Variants in SVEP1 observed in about 807,000 individuals in gnomAD.
SVEP1 encodes the protein sushi, von Willebrand factor type A, EGF and pentraxin domain containing 1.
SVEP1 carries 164 observed loss-of-function variants against 367.3 expected under a neutral mutation model. The ratio of observed to expected loss-of-function variants is 0.45; its 90% CI spans 0.39 to 0.51. SVEP1 has a LOEUF of 0.51. Among genes scored for constraint, SVEP1 ranks in the 20% least tolerant of loss-of-function variants. The pLI, the probability that SVEP1 is intolerant of heterozygous loss-of-function variation, is 0.00. For missense variants in SVEP1, 4,117 were observed against 4,425.3 expected (o/e 0.93, Z 1.98); for synonymous variants, 1,666 against 1,611.6 (o/e 1.03, Z -0.81).
chr9:110,562,254 A>G (rs978370767), intron 1 of SVEP1, among the ~76,000 whole-genome samples: 1 of 151,976 alleles, frequency 6.6e-6, no homozygotes, highest in Non-Finnish European at 1.5e-5. Context: ...AAAAGTCATC[A>G]GAATCCAAAT....
chr9:110,395,726 T>C (rs1283374344), intron 40 of SVEP1, among the ~76,000 whole-genome samples: 1 of 151,010 alleles, frequency 6.6e-6, no homozygotes, highest in African/African-American at 2.4e-5. Flanking sequence ...AAACAGACTT[T>C]AAACCAACAA....
At chr9:110,504,920 A>G (rs185975527) in intron 5 of SVEP1, among the ~76,000 whole-genome samples, 1 of 152,240 alleles carries the variant, frequency 6.6e-6, no homozygotes, top group East Asian at 1.9e-4. Flanking sequence ...GTTATCTAGG[A>G]GCACATTTCC....
chr9:110,432,781 A>C, intron 30 of SVEP1, 146 bp from the exon 31 acceptor site: 1 of 883,000 alleles, frequency 1.1e-6, no homozygotes. Flanking sequence ...GGATAGCAGC[A>C]GCCTGAACCC....
At chr9:110,403,430 G>A (rs192531201) in intron 39 of SVEP1, among the ~76,000 whole-genome samples, 62 of 146,054 alleles carry the variant, frequency 4.2e-4, no homozygotes, top group African/African-American at 9.6e-4. Flanking sequence ...TCAGCCTCCC[G>A]AGTAGCTGGG....
At chr9:110,442,318 C>T (rs911083592) in intron 27 of SVEP1, among the ~76,000 whole-genome samples, 6 of 152,172 alleles carry the variant, frequency 3.9e-5, no homozygotes, top group African/African-American at 1.2e-4. Flanking sequence ...GTTTCCAGTG[C>T]CTTGCATAGG....
chr9:110,490,094 T>A (rs140187183), intron 8 of SVEP1, among the ~76,000 whole-genome samples: 2 of 152,186 alleles, frequency 1.3e-5, no homozygotes, highest in Non-Finnish European at 2.9e-5. Flanking sequence ...AAATATAAGA[T>A]AATTTAAGAA....
At chr9:110,455,279 G>C (rs1016622595) in intron 22 of SVEP1, among the ~76,000 whole-genome samples, 29 of 152,114 alleles carry the variant, frequency 1.9e-4, no homozygotes, top group Admixed American at 3.9e-4. Context: ...TTTTACTAAT[G>C]AAGAAACAGG....
intron 36 of SVEP1, among the ~76,000 whole-genome samples, chr9:110,416,907 T>C (rs1429993336): frequency 6.6e-6 from 1 of 152,050 alleles, no homozygotes; most frequent in Non-Finnish European, 1.5e-5. Context: ...AGATTCTAAC[T>C]ATTAGATGCT....
chr9:110,423,184 GA>G lies in SVEP1; in HGVS notation c.5975+4406del, dbSNP rs1404736217. ...AAAATAAAGTAAAAAAAAAAAAAAA[GA>G]AAAAAAAAAGAAAAATTGTCAATGT... is the stretch of plus-strand genomic sequence containing the variant. On this transcript the variant is annotated intron_variant, in intron 36 of 47. Transcript: ENST00000374469. Among the ~76,000 whole-genome samples, 411 of 91,024 alleles carry G rather than the reference GA, an allele frequency of 4.5e-3. 1 individual carries two copies. Among genetic ancestry groups the G allele is most frequent in the African/African-American group, 8.5e-3 (183 of 21,404 alleles). 59.7% of individuals were successfully genotyped at this position (91,024 alleles called of 152,430 possible). A position where few individuals can be genotyped will look rare whatever the true frequency, so the allele number is the denominator to read the frequency against.
intron 40 of SVEP1, among the ~76,000 whole-genome samples, chr9:110,397,593 C>T (rs564311226): frequency 1.3e-5 from 2 of 152,042 alleles, no homozygotes; most frequent in Non-Finnish European, 2.9e-5. Flanking sequence ...ACCTAGAAAA[C>T]CCCATTGTCT....
rs761205575 is a variant in SVEP1, at chr9:110,408,556, G to A, written c.7044C>T (p.Ser2348=). Residue 2348 remains serine, a synonymous_variant, in exon 38 of 48, where the codon TCC becomes TCT. Transcript: ENST00000374469. ...CTTGCAGGACATGCCCTTCTTTACA[G>A]GAAAATGTCACAACTCCTACCTCGG... The part of the protein sequence containing the change: ...LTTEVGVVTF[S]CKEGHVLQGP... 2.9e-5 allele frequency: 47 copies of A among 1,613,830 alleles called. 1 individual carries two copies. The South Asian group carries it at 4.7e-4, about 16-fold the overall frequency.
At chr9:110,502,839 T>C (rs576007371) in intron 6 of SVEP1, among the ~76,000 whole-genome samples, 199 bp downstream of exon 6, 4 of 152,352 alleles carry the variant, frequency 2.6e-5, no homozygotes, top group Non-Finnish European at 5.9e-5. Flanking sequence ...ACAGAATTCA[T>C]TGTAGAAGTT....
intron 6 of SVEP1, among the ~76,000 whole-genome samples, chr9:110,502,103 A>ATTT (rs35353042): frequency 1.2e-4 from 16 of 135,804 alleles, no homozygotes; most frequent in African/African-American, 2.5e-4. Context: ...AGTTCTTAGA[A>ATTT]TTTTTTTTTT....
At chr9:110,488,763 A>G (rs1588077677) in intron 9 of SVEP1, among the ~76,000 whole-genome samples, 1 of 152,072 alleles carries the variant, frequency 6.6e-6, no homozygotes, top group South Asian at 2.1e-4. Context: ...AGTCCCAGCT[A>G]TTTGGAAGGC....
chr9:110,455,531 G>T, intron 22 of SVEP1, 59 bp downstream of exon 22: 1 of 1,271,592 alleles, frequency 7.9e-7, no homozygotes, highest in Non-Finnish European at 1.1e-6. Flanking sequence ...TTATCTCAGT[G>T]ATGAAATGTT....
intron 14 of SVEP1, chr9:110,475,977 G>T: frequency 5.0e-6 from 2 of 403,312 alleles, no homozygotes; most frequent in South Asian, 3.5e-5. Context: ...CTTAGTTTTT[G>T]TCATTTTTAA....
chr9:110,550,095 G>A lies in SVEP1; in HGVS notation c.541C>T (p.Leu181Phe), dbSNP rs1830264635. 6.2e-7 allele frequency: 1 copy of A among 1,613,714 alleles called. No homozygotes were observed. The highest frequency in any genetic ancestry group is 1.1e-5 in the South Asian group (1 of 91,084). Residue 181 changes from leucine to phenylalanine, a missense_variant, in exon 2 of 48, where the codon CTT (leucine) becomes TTT (phenylalanine). By Grantham distance (22) the Leu-to-Phe change is conservative. Transcript: ENST00000374469. ...GAFQQAAQIL[L>F]HARENSTKVV... The stretch of plus-strand genomic sequence containing the variant: ...TTTGTTGAGTTTTCTCTAGCATGAA[G>A]AAGAATTTGCTGTAATGAAATGGGG...
chr9:110,432,242 C>T (rs1170612177), intron 31 of SVEP1, among the ~76,000 whole-genome samples: 1 of 152,048 alleles, frequency 6.6e-6, no homozygotes, highest in Non-Finnish European at 1.5e-5. Context: ...AAGTATAAGA[C>T]AGGGATATAT....
intron 1 of SVEP1, among the ~76,000 whole-genome samples, chr9:110,564,113 C>T (rs1830462329): frequency 6.6e-6 from 1 of 152,038 alleles, no homozygotes; most frequent in Non-Finnish European, 1.5e-5. Flanking sequence ...AAAATACGAG[C>T]TACGAAGAGA....
Sources: allele counts gnomAD v4.1 joint callset (sites outside exome capture counted in the v4.1 genomes callset), GRCh38; gene constraint gnomAD v4.1.1; transcripts MANE v1.5; gene names NCBI Gene and HGNC (gene_info 2026-07-23, HGNC 2026-07-21).